Variants in TUSC3 observed in about 807,000 individuals in gnomAD.
TUSC3 encodes tumor suppressor candidate 3.
A neutral mutation model predicts 44.8 loss-of-function variants in TUSC3; 45 were observed. The observed-to-expected ratio is 1.00, with a 90% CI of 0.79 to 1.29. The LOEUF (loss-of-function observed/expected upper bound fraction) is 1.29. Ranked by LOEUF, TUSC3 falls within the 50% of genes most tolerant of loss-of-function variation. The pLI, the probability that TUSC3 is intolerant of heterozygous loss-of-function variation, is 0.00. For missense variants in TUSC3, 519 were observed against 437.9 expected (o/e 1.19, Z -1.65); for synonymous variants, 212 against 152.9 (o/e 1.39, Z -2.85).
intron 1 of TUSC3, among the ~76,000 whole-genome samples, chr8:15,435,549 C>T (rs951827552): frequency 4.6e-5 from 7 of 152,172 alleles, no homozygotes; most frequent in African/African-American, 1.4e-4. Flanking sequence ...AAGTACTGGA[C>T]TGTTTCCAAT....
intron 1 of TUSC3, among the ~76,000 whole-genome samples, chr8:15,568,311 C>G (rs1015517862): frequency 2.6e-5 from 4 of 152,084 alleles, no homozygotes; most frequent in African/African-American, 9.7e-5. Flanking sequence ...GTTCTGGGTG[C>G]CATCAATGCA....
At chr8:15,429,765 T>G (rs1022865786) in intron 1 of TUSC3, among the ~76,000 whole-genome samples, 4 of 151,400 alleles carry the variant, frequency 2.6e-5, no homozygotes, top group Admixed American at 2.0e-4. Context: ...GAGAGAAGAA[T>G]CAAATAGATG....
chr8:15,569,872 C>T (rs1030774831), intron 1 of TUSC3, among the ~76,000 whole-genome samples: 3 of 151,788 alleles, frequency 2.0e-5, no homozygotes, highest in Non-Finnish European at 2.9e-5. Context: ...TAACATGTTG[C>T]TTTGGTGGCT....
At chr8:15,557,561 G>T (rs1802311464) in intron 1 of TUSC3, among the ~76,000 whole-genome samples, 1 of 81,804 alleles carries the variant, frequency 1.2e-5, no homozygotes, top group Non-Finnish European at 2.8e-5. Flanking sequence ...GTAGCTTGAT[G>T]GGGATGGCAT....
At chr8:15,588,740 G>C (rs1415032387) in intron 1 of TUSC3, among the ~76,000 whole-genome samples, 1 of 152,106 alleles carries the variant, frequency 6.6e-6, no homozygotes, top group Non-Finnish European at 1.5e-5. Flanking sequence ...TATGGTGAGA[G>C]ACAGGGTCCA....
intron 1 of TUSC3, among the ~76,000 whole-genome samples, chr8:15,605,156 C>T (rs936193498): frequency 7.9e-5 from 12 of 151,764 alleles, no homozygotes; most frequent in African/African-American, 1.7e-4. Flanking sequence ...AAGTGAGCAT[C>T]GCTTCCAAAA....
At chr8:15,767,334 A>G (rs2721230), downstream of TUSC3, among the ~76,000 whole-genome samples, 49,174 of 151,742 alleles carry the variant, frequency 0.32, 8,653 homozygotes, top group East Asian at 0.47. Flanking sequence ...ATTTACCCAA[A>G]TGTGGATACA....
chr8:15,740,842 G>T (rs1403589012), intron 7 of TUSC3, among the ~76,000 whole-genome samples: 1 of 152,114 alleles, frequency 6.6e-6, no homozygotes, highest in Non-Finnish European at 1.5e-5. Flanking sequence ...TATATTCTTT[G>T]CAGGAATGTT....
chr8:15,501,870 G>A (rs562701654), intron 2 of TUSC3, among the ~76,000 whole-genome samples: 3 of 152,184 alleles, frequency 2.0e-5, no homozygotes, highest in Non-Finnish European at 4.4e-5. Flanking sequence ...ATTTGAAAAA[G>A]TATTTAATAA....
At chr8:15,427,419 GC>G (rs1395968897) in intron 1 of TUSC3, among the ~76,000 whole-genome samples, 2 of 151,864 alleles carry the variant, frequency 1.3e-5, no homozygotes, top group Non-Finnish European at 2.9e-5. Flanking sequence ...CCAGGGAAAG[GC>G]AGTCTCCAAT....
At chr8:15,793,575 C>T in the TUSC3 span, among the ~76,000 whole-genome samples, 1 of 152,132 alleles carries the variant, frequency 6.6e-6, no homozygotes, top group Non-Finnish European at 1.5e-5. Flanking sequence ...TCTCTCTTGC[C>T]AGCTTATTTT....
At chr8:15,746,600 G>T (rs1241763279) in intron 8 of TUSC3, among the ~76,000 whole-genome samples, 4 of 151,890 alleles carry the variant, frequency 2.6e-5, no homozygotes, top group African/African-American at 7.3e-5. Context: ...GCATTATTTT[G>T]TTCCACTGCA....
At chr8:15,710,191 C>A (rs1809786073) in intron 6 of TUSC3, among the ~76,000 whole-genome samples, 1 of 151,826 alleles carries the variant, frequency 6.6e-6, no homozygotes. Flanking sequence ...GATGATCTCT[C>A]CCAAGAAACT....
intron 2 of TUSC3, among the ~76,000 whole-genome samples, chr8:15,484,412 A>C (rs1800708808): frequency 6.6e-6 from 1 of 152,234 alleles, no homozygotes; most frequent in African/African-American, 2.4e-5. Flanking sequence ...TTATTTTTAT[A>C]AAGGTACTGA....
At chr8:15,788,632 C>A in the TUSC3 span, among the ~76,000 whole-genome samples, 2 of 151,822 alleles carry the variant, frequency 1.3e-5, no homozygotes, top group East Asian at 1.9e-4. Context: ...AGACTGCCTA[C>A]CCCGGGGCTG....
chr8:15,808,871 A>C, the TUSC3 span, among the ~76,000 whole-genome samples: 10 of 152,324 alleles, frequency 6.6e-5, no homozygotes, highest in South Asian at 2.1e-3. Flanking sequence ...TTTTTAAAAA[A>C]AGATAACATG....
At chr8:15,525,561 A>T (rs75458614) in intron 2 of TUSC3, among the ~76,000 whole-genome samples, 2 of 152,188 alleles carry the variant, frequency 1.3e-5, no homozygotes, top group Admixed American at 1.3e-4. Flanking sequence ...GCTCCTCATT[A>T]ATTTTCAAGA....
rs564642632 is a variant in TUSC3, at chr8:15,685,936, C to G, written c.798+12100C>G. 8.1e-5 allele frequency among the ~76,000 whole-genome samples: 12 copies of G among 148,848 alleles called. 1 individual carries two copies. The South Asian group carries it at 2.5e-3, about 31-fold the overall frequency. ...ATATTAATTGTGAAATCAAACATGT[C>G]TAGGAAAACCTGAAGATATTGACAA... On this transcript the variant is annotated intron_variant, in intron 6 of 10. Coordinates refer to ENST00000503731, the MANE Select transcript of TUSC3 (RefSeq NM_006765.4).
chr8:15,544,380 A>T lies in TUSC3; in HGVS notation c.138+3812A>T, dbSNP rs1463829161. Among the ~76,000 whole-genome samples the T allele has an allele frequency of 2.6e-5, 4 of 151,802 alleles. 1 individual carries two copies. ...TTCCAGTACACTTATTGACTTTGCC[A>T]TCATCAAAAGCAGCTGTTATAATAA... On this transcript the variant is annotated intron_variant, in intron 1 of 10. Coordinates refer to ENST00000503731, the MANE Select transcript of TUSC3 (RefSeq NM_006765.4).
Sources: allele counts gnomAD v4.1 joint callset (sites outside exome capture counted in the v4.1 genomes callset), GRCh38; gene constraint gnomAD v4.1.1; transcripts MANE v1.5; gene names NCBI Gene and HGNC (gene_info 2026-07-23, HGNC 2026-07-21).